The following CLSTN2 variants were observed in gnomAD, a reference collection of about 807,000 sequenced individuals.
The protein encoded by CLSTN2 is calsyntenin 2.
A neutral mutation model predicts 101.2 loss-of-function variants in CLSTN2; 48 were observed. That is an observed-to-expected ratio of 0.47 (90% CI 0.38 to 0.60). The LOEUF (loss-of-function observed/expected upper bound fraction) is 0.60, where lower values mean the gene tolerates loss of function less well. Ranked by LOEUF, CLSTN2 falls within the 20% of genes least tolerant of loss-of-function variation. The pLI is 0.00. For missense variants in CLSTN2, 1,160 were observed against 1,238.2 expected (o/e 0.94, Z 0.95); for synonymous variants, 481 against 463.6 (o/e 1.04, Z -0.48).
chr3:140,418,513 C>CTTTTTTT (rs1051422077), intron 4 of CLSTN2, among the ~76,000 whole-genome samples: 1 of 42,124 alleles, frequency 2.4e-5, no homozygotes. Flanking sequence ...TTCTTTCTTT[C>CTTTTTTT]TTTCTTTTTT....
chr3:140,090,067 G>C (rs996446482), intron 1 of CLSTN2, among the ~76,000 whole-genome samples: 1 of 146,992 alleles, frequency 6.8e-6, no homozygotes, highest in East Asian at 2.0e-4. Context: ...GTTTCTGTGT[G>C]GGGGAGAAAT....
At chr3:140,150,229 A>G (rs1295395880) in intron 1 of CLSTN2, among the ~76,000 whole-genome samples, 1 of 152,216 alleles carries the variant, frequency 6.6e-6, no homozygotes, top group Non-Finnish European at 1.5e-5. Context: ...GTGAGTCCCA[A>G]TCTACCTGCT....
chr3:140,203,143 G>A (rs1227921755), intron 2 of CLSTN2, among the ~76,000 whole-genome samples: 1 of 152,204 alleles, frequency 6.6e-6, no homozygotes, highest in Admixed American at 6.5e-5. Flanking sequence ...ACTGAGATTT[G>A]AAGTTGGTTT....
chr3:139,960,705 A>C (rs1217018860), intron 1 of CLSTN2, among the ~76,000 whole-genome samples: 1 of 152,162 alleles, frequency 6.6e-6, no homozygotes, highest in Non-Finnish European at 1.5e-5. Flanking sequence ...CAACCATGTT[A>C]GAATATTTGC....
chr3:140,150,107 A>G (rs1018125366), intron 1 of CLSTN2, among the ~76,000 whole-genome samples: 2 of 152,210 alleles, frequency 1.3e-5, no homozygotes, highest in Non-Finnish European at 1.5e-5. Flanking sequence ...CTCATGCCCC[A>G]TATTCACCTG....
At chr3:139,965,472 C>T (rs1293456435) in intron 1 of CLSTN2, among the ~76,000 whole-genome samples, 1 of 152,188 alleles carries the variant, frequency 6.6e-6, no homozygotes, top group Non-Finnish European at 1.5e-5. Context: ...GGCCTGGGCT[C>T]CTGGGCCATG....
intron 1 of CLSTN2, among the ~76,000 whole-genome samples, chr3:140,076,841 T>C (rs116710734): frequency 1.3e-5 from 2 of 152,080 alleles, no homozygotes; most frequent in African/African-American, 2.4e-5. Context: ...AAGGATGCCA[T>C]GAAGGGTGAG....
intron 1 of CLSTN2, among the ~76,000 whole-genome samples, chr3:139,975,278 G>A (rs1271486903): frequency 2.0e-5 from 3 of 152,044 alleles, no homozygotes; most frequent in Non-Finnish European, 2.9e-5. Flanking sequence ...TGGGCAAAGT[G>A]GGGGGCACTA....
rs1489426860 is a variant in CLSTN2, at chr3:140,427,202, TATGTG to T, written c.787+5929_787+5933del. Among the ~76,000 whole-genome samples, 15 of 76,428 alleles carry T rather than the reference TATGTG, an allele frequency of 2.0e-4. 2 individuals carry two copies. The highest frequency in any genetic ancestry group is 1.2e-3 in the African/African-American group (14 of 11,772). The allele number at this position is 76,428 out of a possible 152,430, so 50.1% of individuals were successfully genotyped here. The stretch of plus-strand genomic sequence containing the variant: ...AAAAAAAAATATATATATATATATA[TATGTG>T]TATATATATATATATATGTGTGTAT... On this transcript the variant is annotated intron_variant, in intron 5 of 16. Coordinates refer to ENST00000458420, the MANE Select transcript of CLSTN2 (RefSeq NM_022131.3).
chr3:140,089,874 G>A (rs1465157440), intron 1 of CLSTN2, among the ~76,000 whole-genome samples: 5 of 151,492 alleles, frequency 3.3e-5, no homozygotes, highest in African/African-American at 9.7e-5. Context: ...TTAAAGAAAG[G>A]GGAAAGAAAC....
intron 8 of CLSTN2, among the ~76,000 whole-genome samples, chr3:140,471,372 T>C (rs1003760193): frequency 1.3e-5 from 2 of 152,176 alleles, no homozygotes; most frequent in Non-Finnish European, 2.9e-5. Context: ...GTTCCACTTA[T>C]GGGAAGACAC....
chr3:140,227,607 G>C (rs1235138081), intron 2 of CLSTN2, among the ~76,000 whole-genome samples: 1 of 152,216 alleles, frequency 6.6e-6, no homozygotes, highest in African/African-American at 2.4e-5. Flanking sequence ...CTGTATGGGG[G>C]CTTAGAACCC....
At chr3:140,511,287 A>G (rs1415638657) in intron 8 of CLSTN2, among the ~76,000 whole-genome samples, 1 of 152,064 alleles carries the variant, frequency 6.6e-6, no homozygotes, top group Non-Finnish European at 1.5e-5. Flanking sequence ...ATTTAGATTG[A>G]TTTCATGTCT....
At chr3:140,407,650 C>A (rs1430474070) in intron 4 of CLSTN2, among the ~76,000 whole-genome samples, 1 of 152,136 alleles carries the variant, frequency 6.6e-6, no homozygotes, top group African/African-American at 2.4e-5. Context: ...ATTTACCAGG[C>A]TTAAATTATG....
At chr3:140,143,519 A>G (rs1323391017) in intron 1 of CLSTN2, among the ~76,000 whole-genome samples, 1 of 152,162 alleles carries the variant, frequency 6.6e-6, no homozygotes, top group Non-Finnish European at 1.5e-5. Flanking sequence ...TCAAATTGCT[A>G]ATTTCCTCCA....
intron 2 of CLSTN2, among the ~76,000 whole-genome samples, chr3:140,351,712 C>A (rs756633398): frequency 2.0e-5 from 3 of 152,052 alleles, no homozygotes; most frequent in Non-Finnish European, 4.4e-5. Context: ...AGAGGCCCGA[C>A]CTCTGTTGGT....
At chr3:140,026,327 T>G (rs2007419121) in intron 1 of CLSTN2, among the ~76,000 whole-genome samples, 1 of 152,168 alleles carries the variant, frequency 6.6e-6, no homozygotes, top group Non-Finnish European at 1.5e-5. Flanking sequence ...AGAAATGATA[T>G]TTCAGTAAGT....
rs139343342 is a variant in CLSTN2, at chr3:140,246,039, A to G, written c.232+69966A>G. ...CAATAAACTGTGAATCTGCGACTGT[A>G]AATAAGACAACTTGTAAAAATGCGT... On this transcript the variant is annotated intron_variant, in intron 2 of 16. Coordinates refer to ENST00000458420, the MANE Select transcript of CLSTN2 (RefSeq NM_022131.3). 8.5e-5 allele frequency among the ~76,000 whole-genome samples: 13 copies of G among 152,330 alleles called. No individual in the cohort carries two copies. The East Asian group carries it at 2.5e-3, about 29-fold the overall frequency.
chr3:140,206,560 A>G (rs2010785604), intron 2 of CLSTN2, among the ~76,000 whole-genome samples: 1 of 152,166 alleles, frequency 6.6e-6, no homozygotes, highest in Non-Finnish European at 1.5e-5. Context: ...GTGAAAACCA[A>G]ACACTGGGCT....
Sources: gnomAD v4.1 joint callset for allele counts (sites outside exome capture counted in the v4.1 genomes callset) on GRCh38, gnomAD v4.1.1 for gene constraint, MANE v1.5 for transcripts, NCBI Gene and HGNC (gene_info 2026-07-23, HGNC 2026-07-21) for gene names.